AGAP3: variants seen among roughly 807,000 people sequenced by gnomAD.
AGAP3 encodes the protein ArfGAP with GTPase domain, ankyrin repeat and PH domain 3, also known as arf-GAP with GTPase, ANK repeat and PH domain-containing protein 3.
Under a neutral mutation model 96.9 loss-of-function variants are expected in AGAP3, and 24 were observed. The observed-to-expected ratio is 0.25, with a 90% CI of 0.18 to 0.35. The LOEUF (loss-of-function observed/expected upper bound fraction) is 0.35, where lower values mean the gene tolerates loss of function less well. Among genes scored for constraint, AGAP3 ranks in the 10% least tolerant of loss-of-function variants. The pLI, the probability that AGAP3 is intolerant of heterozygous loss-of-function variation, is 1.00. For missense variants in AGAP3, 876 were observed against 1,254.2 expected (o/e 0.70, Z 4.55); for synonymous variants, 563 against 536.1 (o/e 1.05, Z -0.69).
intron 1 of AGAP3, among the ~76,000 whole-genome samples, chr7:151,095,701 C>CAAAA (rs35926416): frequency 1.2e-5 from 1 of 83,008 alleles, no homozygotes; most frequent in African/African-American, 4.9e-5. Flanking sequence ...CACAGTTGTA[C>CAAAA]AAAAAAAAAA....
chr7:151,088,635 G>A (rs889547743), intron 1 of AGAP3, among the ~76,000 whole-genome samples: 4 of 152,206 alleles, frequency 2.6e-5, no homozygotes, highest in African/African-American at 9.6e-5. Context: ...CTCGTGGGCC[G>A]GCCACAGGAG....
intron 10 of AGAP3, among the ~76,000 whole-genome samples, chr7:151,132,489 T>G (rs1800439673): frequency 6.6e-6 from 1 of 152,206 alleles, no homozygotes; most frequent in African/African-American, 2.4e-5. Context: ...TGAACACACC[T>G]TCTAAATGTG....
chr7:151,116,745 GGTGTGT>G (rs1563470874), intron 1 of AGAP3, 42 bp from the exon 2 acceptor site: 3 of 1,610,116 alleles, frequency 1.9e-6, no homozygotes, highest in Admixed American at 3.3e-5. Flanking sequence ...GGTTGGGACA[GGTGTGT>G]GTGCCACCCT....
At position 151,108,370 on chromosome 7, in the gene AGAP3, C is replaced by T. The variant is rs1042071980; in HGVS notation, c.332-8423C>T. Among the ~76,000 whole-genome samples the T allele has an allele frequency of 3.9e-5, 6 of 152,200 alleles. No homozygotes were observed. Among genetic ancestry groups the T allele is most frequent in the Non-Finnish European group, 8.8e-5 (6 of 68,032 alleles). On this transcript the variant is annotated intron_variant, in intron 1 of 17. Transcript: ENST00000397238. The surrounding 1 kb of genome is among the most constrained non-coding windows in gnomAD (Gnocchi z 4.2). ...GGAATGACAGCCACTCCCACCCCCA[C>T]CCTGGGGTAATCTCAGTTTCCCTGC...
chr7:151,124,552 G>A (rs1273083436), intron 9 of AGAP3, among the ~76,000 whole-genome samples: 2 of 152,200 alleles, frequency 1.3e-5, no homozygotes, highest in Admixed American at 6.5e-5. Flanking sequence ...CCATAAGAAC[G>A]GGGGCACTTG....
At chr7:151,115,671 C>T (rs1443936372) in intron 1 of AGAP3, 1 of 1,133,626 alleles carries the variant, frequency 8.8e-7, no homozygotes, top group Non-Finnish European at 1.1e-6. Context: ...GGGCGTCTGG[C>T]AGAAAACAGC....
chr7:151,137,419 T>C (rs1800642206), intron 11 of AGAP3, among the ~76,000 whole-genome samples: 1 of 152,224 alleles, frequency 6.6e-6, no homozygotes, highest in African/African-American at 2.4e-5. Context: ...GGAAGGAAGC[T>C]TAGGTTCTCG....
intron 8 of AGAP3, chr7:151,123,044 C>T: frequency 1.5e-6 from 2 of 1,323,136 alleles, no homozygotes; most frequent in African/African-American, 1.5e-5. Context: ...CTCGGCCCCA[C>T]GCCCGGCGCT....
At position 151,142,766 on chromosome 7, in the gene AGAP3, C is replaced by T. The variant is rs955033815; in HGVS notation, c.2273+132C>T. 22 of 1,015,498 alleles carry T rather than the reference C, an allele frequency of 2.2e-5. No homozygotes were observed. Among genetic ancestry groups the T allele is most frequent in the African/African-American group, 6.4e-5 (4 of 62,362 alleles). 62.9% of individuals were successfully genotyped at this position (1,015,498 alleles called of 1,614,324 possible). On this transcript the variant is annotated intron_variant, in intron 16 of 17. Coordinates refer to ENST00000397238, the MANE Select transcript of AGAP3 (RefSeq NM_031946.7). The surrounding 1 kb of genome is among the most constrained non-coding windows in gnomAD (Gnocchi z 7.5). ...GTCTGTTGCTCTGCTTGGCAGTTGGCCCCTTGGGGGTGCCCCTCCTGCTCT... is the reference window on the plus strand; with the variant it reads ...GTCTGTTGCTCTGCTTGGCAGTTGGTCCCTTGGGGGTGCCCCTCCTGCTCT...
rs951860054 is a variant in AGAP3, at chr7:151,142,984, C to T, written c.2273+350C>T. On this transcript the variant is annotated intron_variant, in intron 16 of 17. Transcript: ENST00000397238. The surrounding 1 kb of genome is among the most constrained non-coding windows in gnomAD (Gnocchi z 7.5). ...TGGCCCCCCAGTGCAGGCCCCCACC[C>T]GCTTTGTTCCAGCACTGCCAATCCA... Among the ~76,000 whole-genome samples the T allele has an allele frequency of 2.6e-5, 4 of 152,172 alleles. No homozygotes were observed. Among genetic ancestry groups the T allele is most frequent in the African/African-American group, 4.8e-5 (2 of 41,432 alleles).
At chr7:151,103,248 C>G (rs1227701783) in intron 1 of AGAP3, among the ~76,000 whole-genome samples, 1 of 152,220 alleles carries the variant, frequency 6.6e-6, no homozygotes, top group Non-Finnish European at 1.5e-5. Flanking sequence ...GCTGCTCATT[C>G]AAATCGTGGA....
chr7:151,107,383 G>T (rs905098046), intron 1 of AGAP3, among the ~76,000 whole-genome samples: 6 of 151,960 alleles, frequency 3.9e-5, no homozygotes, highest in African/African-American at 1.2e-4. Context: ...CAGTACTTTG[G>T]GAGGCCAAGG....
At chr7:151,136,597 A>G in intron 11 of AGAP3, 1 of 152,270 alleles carries the variant, frequency 6.6e-6, no homozygotes, top group Non-Finnish European at 1.5e-5. Context: ...TTCATTAATC[A>G]TTAGCATCAA....
At chr7:151,122,446 A>AGT (rs1347271197) in intron 8 of AGAP3, among the ~76,000 whole-genome samples, 1 of 151,966 alleles carries the variant, frequency 6.6e-6, no homozygotes, top group East Asian at 1.9e-4. Context: ...TGGCGAACAT[A>AGT]CCATTCCGTG....
intron 8 of AGAP3, chr7:151,120,724 C>G: frequency 1.6e-6 from 2 of 1,213,302 alleles, no homozygotes; most frequent in Non-Finnish European, 2.1e-6. Context: ...CTTCACCACG[C>G]TGCCTCGTTC....
intron 11 of AGAP3, chr7:151,137,670 A>G (rs1178071000): frequency 1.9e-5 from 3 of 155,962 alleles, no homozygotes; most frequent in Non-Finnish European, 4.2e-5. Flanking sequence ...GCCCAACAGG[A>G]TAATTACTAA....
chr7:151,111,937 A>G (rs1213610537), intron 1 of AGAP3, among the ~76,000 whole-genome samples: 1 of 151,974 alleles, frequency 6.6e-6, no homozygotes, highest in Non-Finnish European at 1.5e-5. Context: ...CCCAGCCTGG[A>G]GCTTTTTAGG....
At chr7:151,135,834 C>G (rs1422333266) in intron 11 of AGAP3, among the ~76,000 whole-genome samples, 1 of 152,216 alleles carries the variant, frequency 6.6e-6, no homozygotes, top group Non-Finnish European at 1.5e-5. Flanking sequence ...GCATAGCTAA[C>G]AAACTTGTCT....
Position 151,123,850 on chromosome 7 carries a change from C to A in AGAP3, c.1185C>A (p.Asp395Glu). Reference sequence around the variant, plus strand: ...AGAAGGCTGCCGAGTGCAAGGTGGACAGCATCGGGAGCGGCCGCGCCATCC... The same window carrying A: ...AGAAGGCTGCCGAGTGCAAGGTGGAAAGCATCGGGAGCGGCCGCGCCATCC... ...REKKAAECKV[D>E]SIGSGRAIPI... The change falls in exon 9 of 18, where the codon GAC (aspartate) becomes GAA (glutamate). Residue 395 changes from aspartate (D) to glutamate (E), a missense_variant. By Grantham distance (45) the Asp-to-Glu change is conservative. This residue lies in a region of AGAP3 where 49 missense variants were observed against 41.7 expected (regional missense o/e 1.17). Transcript: ENST00000397238. The A allele has an allele frequency of 6.2e-7, 1 of 1,611,954 alleles. No homozygotes were observed.
Sources: allele counts gnomAD v4.1 joint callset (sites outside exome capture counted in the v4.1 genomes callset), GRCh38; gene constraint gnomAD v4.1.1; regional missense constraint gnomAD v4.1.1; non-coding constraint Gnocchi (gnomAD v3.1); transcripts MANE v1.5; gene names NCBI Gene and HGNC (gene_info 2026-07-23, HGNC 2026-07-21).